Variants in RAP1GDS1 observed in about 807,000 individuals in gnomAD.
The protein encoded by RAP1GDS1 is RAP1, GTP-GDP dissociation stimulator 1.
In RAP1GDS1, 35 loss-of-function variants were observed where a neutral mutation model predicts 71.1. The ratio of observed to expected loss-of-function variants is 0.49; its 90% confidence interval spans 0.38 to 0.65. The LOEUF (loss-of-function observed/expected upper bound fraction) is 0.65. Ranked by LOEUF, RAP1GDS1 falls within the 30% of genes least tolerant of loss-of-function variation. The pLI, the probability that RAP1GDS1 is intolerant of heterozygous loss-of-function variation, is 0.00. For synonymous variants in RAP1GDS1, 229 were observed against 243.1 expected (o/e 0.94, Z 0.54); for missense variants, 663 against 706.1 (o/e 0.94, Z 0.69).
chr4:98,407,831 T>A (rs752735170), intron 7 of RAP1GDS1, among the ~76,000 whole-genome samples: 48 of 151,732 alleles, frequency 3.2e-4, no homozygotes, highest in East Asian at 7.7e-4. Context: ...ATTGAAATTT[T>A]AAAAAAAATA....
intron 12 of RAP1GDS1, among the ~76,000 whole-genome samples, chr4:98,423,465 G>A (rs1474735718): frequency 2.0e-5 from 3 of 152,172 alleles, no homozygotes; most frequent in South Asian, 2.1e-4. Context: ...TAGAGAATTC[G>A]GGAGCACTTA....
intron 1 of RAP1GDS1, among the ~76,000 whole-genome samples, chr4:98,271,869 T>C: frequency 6.6e-6 from 1 of 152,190 alleles, no homozygotes; most frequent in East Asian, 1.9e-4. Flanking sequence ...AAATAATTTA[T>C]CCAAGGGGAC....
At chr4:98,300,030 G>A (rs1728339451) in intron 2 of RAP1GDS1, among the ~76,000 whole-genome samples, 1 of 152,144 alleles carries the variant, frequency 6.6e-6, no homozygotes, top group South Asian at 2.1e-4. Context: ...AACATTGACA[G>A]GGTTTGAAAG....
intron 3 of RAP1GDS1, among the ~76,000 whole-genome samples, chr4:98,349,864 G>A (rs543427555): frequency 2.9e-4 from 44 of 151,956 alleles, no homozygotes; most frequent in African/African-American, 8.4e-4. Flanking sequence ...TCTGCCTGAA[G>A]CATGATAACT....
At chr4:98,313,082 A>G (rs1730491206) in intron 2 of RAP1GDS1, among the ~76,000 whole-genome samples, 1 of 150,484 alleles carries the variant, frequency 6.6e-6, no homozygotes, top group African/African-American at 2.4e-5. Flanking sequence ...AAAAAAAAAA[A>G]AAAAAAAAAA....
At chr4:98,379,192 T>G (rs1341170421) in intron 5 of RAP1GDS1, 29 bp downstream of exon 5, 1 of 1,524,120 alleles carries the variant, frequency 6.6e-7, no homozygotes, top group Admixed American at 2.3e-5. Context: ...TTGCTTTATC[T>G]CTGGGGGAAA....
chr4:98,372,550 T>C (rs1367102668), intron 4 of RAP1GDS1, among the ~76,000 whole-genome samples: 3 of 152,252 alleles, frequency 2.0e-5, no homozygotes, highest in Non-Finnish European at 4.4e-5. Flanking sequence ...TATCACAGTT[T>C]ATCTTCAAAT....
chr4:98,398,589 A>C (rs1239008114), intron 6 of RAP1GDS1, among the ~76,000 whole-genome samples: 1 of 152,196 alleles, frequency 6.6e-6, no homozygotes, highest in Non-Finnish European at 1.5e-5. Flanking sequence ...TAGGGAAGCC[A>C]GATCAATTAG....
At chr4:98,413,346 A>G (rs1747370852) in intron 7 of RAP1GDS1, among the ~76,000 whole-genome samples, 1 of 151,668 alleles carries the variant, frequency 6.6e-6, no homozygotes, top group African/African-American at 2.4e-5. Context: ...CATTAGGTAT[A>G]TCTCCCAATG....
Position 98,416,731 on chromosome 4 carries a change from A to C in RAP1GDS1, c.764-14A>C. 6.3e-7 allele frequency: 1 copy of C among 1,580,628 alleles called. No homozygotes were observed. Among genetic ancestry groups the C allele is most frequent in the Non-Finnish European group, 8.7e-7 (1 of 1,152,372 alleles). Reference sequence around the variant, plus strand: ...ATCTCAAAGTTTGATTATTTTGTTCACGTTGTTCTTTAGATGCTATTAAAC... The same window carrying C: ...ATCTCAAAGTTTGATTATTTTGTTCCCGTTGTTCTTTAGATGCTATTAAAC... On this transcript the variant is annotated splice_polypyrimidine_tract_variant and intron_variant, in intron 7 of 14. Transcript: ENST00000408927.
chr4:98,301,588 C>G (rs929585678), intron 2 of RAP1GDS1, among the ~76,000 whole-genome samples: 2 of 152,086 alleles, frequency 1.3e-5, no homozygotes, highest in East Asian at 3.9e-4. Flanking sequence ...GCTTCAGAGA[C>G]CACTGCAGGG....
intron 1 of RAP1GDS1, among the ~76,000 whole-genome samples, chr4:98,263,446 G>A (rs1385193396): frequency 2.0e-5 from 3 of 152,158 alleles, no homozygotes; most frequent in Non-Finnish European, 2.9e-5. Context: ...GAGTGCTATT[G>A]CTTGATTTTT....
chr4:98,355,799 C>T (rs1045008747), intron 4 of RAP1GDS1, among the ~76,000 whole-genome samples: 6 of 152,086 alleles, frequency 3.9e-5, no homozygotes, highest in African/African-American at 1.4e-4. Context: ...AGAAAACGGC[C>T]TTATATAATC....
At chr4:98,279,948 T>C (rs1228013616) in intron 1 of RAP1GDS1, among the ~76,000 whole-genome samples, 1 of 152,250 alleles carries the variant, frequency 6.6e-6, no homozygotes, top group East Asian at 1.9e-4. Flanking sequence ...TCATCCTCTT[T>C]TATGGCTGCA....
intron 4 of RAP1GDS1, among the ~76,000 whole-genome samples, chr4:98,371,449 C>G (rs1222609732): frequency 1.3e-5 from 2 of 151,680 alleles, no homozygotes; most frequent in African/African-American, 4.8e-5. Context: ...TGTAATGTCC[C>G]CCTTTATCCC....
chr4:98,416,687 A>C, intron 7 of RAP1GDS1, 58 bp from the exon 8 acceptor site: 22 of 1,487,326 alleles, frequency 1.5e-5, no homozygotes, highest in South Asian at 2.4e-5. Flanking sequence ...TGGACTGCTT[A>C]TACCAGAGCT....
At chr4:98,333,198 A>G (rs544226133) in intron 2 of RAP1GDS1, among the ~76,000 whole-genome samples, 31 of 152,048 alleles carry the variant, frequency 2.0e-4, no homozygotes, top group Non-Finnish European at 3.7e-4. Flanking sequence ...ATATTTTGAA[A>G]CAACCTTTAA....
At chr4:98,395,363 G>A (rs377750626) in intron 6 of RAP1GDS1, among the ~76,000 whole-genome samples, 89 of 152,242 alleles carry the variant, frequency 5.8e-4, no homozygotes, top group Middle Eastern at 3.4e-3. Context: ...TTGCTTTGCT[G>A]AGTATAAAAG....
intron 1 of RAP1GDS1, among the ~76,000 whole-genome samples, chr4:98,290,770 G>T (rs1236393270): frequency 3.3e-5 from 5 of 152,108 alleles, no homozygotes; most frequent in Admixed American, 6.6e-5. Flanking sequence ...ATGTATCAAG[G>T]CCTAAAATGT....
Sources: gnomAD v4.1 joint callset for allele counts (sites outside exome capture counted in the v4.1 genomes callset) on GRCh38, gnomAD v4.1.1 for gene constraint, MANE v1.5 for transcripts, NCBI Gene and HGNC (gene_info 2026-07-23, HGNC 2026-07-21) for gene names.